The following GNAO1 variants were observed in gnomAD, a reference collection of about 807,000 sequenced individuals.
The protein encoded by GNAO1 is guanine nucleotide-binding protein G(o) subunit alpha.
For synonymous variants in GNAO1, 164 were observed against 180.7 expected, an observed-to-expected ratio of 0.91 and a Z score of 0.74; for missense variants, 166 against 478.7, an observed-to-expected ratio of 0.35 and a Z score of 6.10.
chr16:56,218,394 C>T (rs868658162), intron 2 of GNAO1, among the ~76,000 whole-genome samples: 17 of 152,166 alleles, frequency 1.1e-4, no homozygotes, highest in African/African-American at 3.6e-4. Flanking sequence ...GTGACAGTAT[C>T]GGTGGAGAAA....
At chr16:56,341,134 G>T (rs2037798986) in intron 6 of GNAO1, 4 of 692,078 alleles carry the variant, frequency 5.8e-6, no homozygotes, top group South Asian at 5.7e-5. Flanking sequence ...CCCAGATTGT[G>T]CTCTAGAGAG....
chr16:56,323,337 G>C lies in GNAO1; in HGVS notation c.304-5294G>C, dbSNP rs115420331. Among the ~76,000 whole-genome samples the C allele has an allele frequency of 7.7e-3, 1,175 of 152,278 alleles. 14 individuals carry two copies. Among genetic ancestry groups the C allele is most frequent in the African/African-American group, 0.027 (1,135 of 41,546 alleles). ...ACTCTGGAAATTATGCCTTAAATAA[G>C]ATAGAAATTGATTTAAGTATTAAGA... On this transcript the variant is annotated intron_variant, in intron 3 of 8. Transcript: ENST00000262493.
intron 2 of GNAO1, among the ~76,000 whole-genome samples, chr16:56,218,436 C>G (rs1157033462): frequency 6.6e-6 from 1 of 152,148 alleles, no homozygotes; most frequent in Non-Finnish European, 1.5e-5. Context: ...CCTGCTGCAG[C>G]AGGCTCGGCA....
chr16:56,216,818 T>C (rs1425710760), intron 2 of GNAO1, among the ~76,000 whole-genome samples: 1 of 152,222 alleles, frequency 6.6e-6, no homozygotes. Context: ...CTGAGTTCAT[T>C]GGTCCTGGCC....
At chr16:56,192,768 C>T in intron 2 of GNAO1, 152 bp downstream of exon 2, 3 of 628,298 alleles carry the variant, frequency 4.8e-6, no homozygotes, top group Non-Finnish European at 5.9e-6. Flanking sequence ...ATTTGACTCC[C>T]CTCCCCCACT....
intron 3 of GNAO1, among the ~76,000 whole-genome samples, chr16:56,287,473 T>C (rs1327933367): frequency 6.6e-6 from 1 of 152,158 alleles, no homozygotes; most frequent in African/African-American, 2.4e-5. Context: ...CTCACAGGGT[T>C]GTTGTGGCTA....
intron 6 of GNAO1, chr16:56,346,729 C>T: frequency 1.0e-6 from 1 of 985,746 alleles, no homozygotes; most frequent in South Asian, 4.7e-5. Context: ...CTCCCAGGCC[C>T]TCCCCACAGC....
At chr16:56,229,803 TA>T (rs11307050) in intron 2 of GNAO1, among the ~76,000 whole-genome samples, 92,617 of 151,914 alleles carry the variant, frequency 0.61, 28,567 homozygotes, top group East Asian at 0.71. Flanking sequence ...AAACCATGAC[TA>T]AACAGAATGC....
chr16:56,220,387 T>C (rs1229688942), intron 2 of GNAO1, among the ~76,000 whole-genome samples: 1 of 152,226 alleles, frequency 6.6e-6, no homozygotes, highest in Non-Finnish European at 1.5e-5. Context: ...GGTTCCCTGG[T>C]AAGTCCAGGC....
At chr16:56,194,244 T>G (rs1267488045) in intron 2 of GNAO1, 2 of 456,512 alleles carry the variant, frequency 4.4e-6, no homozygotes, top group South Asian at 3.1e-5. Flanking sequence ...GGGGCTTCTC[T>G]TGAGCTTGTG....
intron 2 of GNAO1, among the ~76,000 whole-genome samples, chr16:56,206,603 G>T (rs935988935): frequency 6.6e-6 from 1 of 152,276 alleles, no homozygotes; most frequent in Middle Eastern, 3.4e-3. Context: ...CGTAATTGCG[G>T]TGATGGTTAC....
chr16:56,261,961 A>G (rs2036907613), intron 2 of GNAO1, among the ~76,000 whole-genome samples: 1 of 152,202 alleles, frequency 6.6e-6, no homozygotes, highest in South Asian at 2.1e-4. Flanking sequence ...GTCTCATGTC[A>G]CTGACTAGCC....
At chr16:56,291,347 T>A (rs1271910128) in intron 3 of GNAO1, among the ~76,000 whole-genome samples, 2 of 152,222 alleles carry the variant, frequency 1.3e-5, no homozygotes, top group African/African-American at 4.8e-5. Context: ...CATTTGCATT[T>A]CCCCAGTGAT....
At chr16:56,285,233 C>T (rs1567469189) in intron 3 of GNAO1, among the ~76,000 whole-genome samples, 1 of 152,202 alleles carries the variant, frequency 6.6e-6, no homozygotes, top group Non-Finnish European at 1.5e-5. Context: ...CTCTTTCTGT[C>T]TTTCACACTC....
chr16:56,227,324 T>C (rs573076794), intron 2 of GNAO1, among the ~76,000 whole-genome samples: 1 of 152,280 alleles, frequency 6.6e-6, no homozygotes, highest in South Asian at 2.1e-4. Flanking sequence ...TGTCCCGTGC[T>C]CTAGAGGAGC....
intron 3 of GNAO1, among the ~76,000 whole-genome samples, chr16:56,314,320 T>G (rs554372250): frequency 1.1e-4 from 16 of 152,344 alleles, no homozygotes; most frequent in Admixed American, 2.0e-4. Context: ...TTGGGAGAAC[T>G]TCTGCCAGAG....
intron 3 of GNAO1, among the ~76,000 whole-genome samples, chr16:56,317,234 C>T (rs2037520664): frequency 6.6e-6 from 1 of 152,162 alleles, no homozygotes; most frequent in Admixed American, 6.5e-5. Flanking sequence ...TTTCTGAACC[C>T]AGGTGGGGAC....
In GNAO1 at chr16:56,308,532, C is replaced by T. The variant is rs12596926; in HGVS notation, c.304-20099C>T. 4.5e-3 allele frequency among the ~76,000 whole-genome samples: 686 copies of T among 152,210 alleles called. 13 individuals are homozygous for T. The East Asian group carries it at 0.045, about 10-fold the overall frequency. ...TGAGTTGAGTCTGAAAGGCCAGTGA[C>T]CCAGAGGTTAGGTAGGGGTAATCCA... On this transcript the variant is annotated intron_variant, in intron 3 of 8. Transcript: ENST00000262493.
chr16:56,270,423 C>CACAA (rs1164975023), intron 2 of GNAO1: 1 of 150,986 alleles, frequency 6.6e-6, no homozygotes, highest in East Asian at 2.0e-4. Flanking sequence ...CACCCTGACA[C>CACAA]ACACACACAC....
Sources: allele counts gnomAD v4.1 joint callset (sites outside exome capture counted in the v4.1 genomes callset), GRCh38; gene constraint gnomAD v4.1.1; transcripts MANE v1.5; gene names NCBI Gene and HGNC (gene_info 2026-07-23, HGNC 2026-07-21).